FAM107B: variants seen among roughly 807,000 people sequenced by gnomAD.
FAM107B encodes the protein protein FAM107B.
In FAM107B, 21 loss-of-function variants were observed where a neutral mutation model predicts 31.5. That is an observed-to-expected ratio of 0.67 (90% confidence interval 0.47 to 0.96). FAM107B has a LOEUF of 0.96. Among genes scored for constraint, FAM107B ranks in the 40% least tolerant of loss-of-function variants. The pLI is 0.00. For synonymous variants in FAM107B, 157 were observed against 141.5 expected (o/e 1.11, Z -0.78); for missense variants, 452 against 377.1 (o/e 1.20, Z -1.64).
intron 2 of FAM107B, among the ~76,000 whole-genome samples, chr10:14,569,403 G>C (rs1263416964): frequency 6.6e-6 from 1 of 151,206 alleles, no homozygotes; most frequent in East Asian, 1.9e-4. Flanking sequence ...GTGCACATAT[G>C]TGTGTGTGTG....
chr10:14,628,112 GTTTTTTTTT>G (rs71505033), intron 2 of FAM107B, among the ~76,000 whole-genome samples: 2 of 92,688 alleles, frequency 2.2e-5, no homozygotes, highest in South Asian at 9.1e-4. Flanking sequence ...TGTTTTGCTG[GTTTTTTTTT>G]TTTTTTTTTT....
chr10:14,571,152 G>A (rs1048681298), intron 2 of FAM107B, among the ~76,000 whole-genome samples: 3 of 152,056 alleles, frequency 2.0e-5, no homozygotes, highest in African/African-American at 4.8e-5. Flanking sequence ...GGACAGCAGG[G>A]AGAGTGAGAA....
intron 1 of FAM107B, among the ~76,000 whole-genome samples, chr10:14,685,401 G>A (rs1854959868): frequency 6.6e-6 from 1 of 151,982 alleles, no homozygotes; most frequent in South Asian, 2.1e-4. Flanking sequence ...CTCCCACCTA[G>A]GCCTCCCTCC....
intron 1 of FAM107B, among the ~76,000 whole-genome samples, chr10:14,745,125 T>C (rs1832698944): frequency 6.6e-6 from 1 of 152,206 alleles, no homozygotes; most frequent in Non-Finnish European, 1.5e-5. Context: ...GATGGTTGTT[T>C]GCATTTCTGT....
At chr10:14,542,098 AAAT>A (rs892782357) in intron 2 of FAM107B, among the ~76,000 whole-genome samples, 12 of 151,730 alleles carry the variant, frequency 7.9e-5, no homozygotes, top group Admixed American at 2.0e-4. Context: ...CTACTTAAAA[AAAT>A]AATAATAATA....
chr10:14,683,390 T>C (rs1449703360), intron 1 of FAM107B, among the ~76,000 whole-genome samples: 1 of 152,178 alleles, frequency 6.6e-6, no homozygotes, highest in Non-Finnish European at 1.5e-5. Flanking sequence ...CAAACCATTG[T>C]GTGTTTCAAG....
intron 2 of FAM107B, chr10:14,663,430 C>T (rs951893659): frequency 1.3e-5 from 2 of 152,186 alleles, no homozygotes; most frequent in Non-Finnish European, 2.9e-5. Flanking sequence ...CTAACCAGGC[C>T]CAACCCTGCT....
At chr10:14,631,800 C>G (rs1287109777) in intron 2 of FAM107B, among the ~76,000 whole-genome samples, 1 of 152,172 alleles carries the variant, frequency 6.6e-6, no homozygotes, top group Non-Finnish European at 1.5e-5. Flanking sequence ...AGGCTGGCTA[C>G]CCAGGTTGTG....
intron 2 of FAM107B, chr10:14,661,788 G>A (rs1203071057): frequency 6.6e-6 from 1 of 152,218 alleles, no homozygotes; most frequent in East Asian, 1.9e-4. Context: ...CATAAGCCCA[G>A]GTGAGAACAG....
At chr10:14,702,082 G>A (rs1053894924) in intron 1 of FAM107B, among the ~76,000 whole-genome samples, 9 of 152,242 alleles carry the variant, frequency 5.9e-5, no homozygotes, top group Non-Finnish European at 1.3e-4. Flanking sequence ...ATACTGATAA[G>A]TAAATGCAAA....
chr10:14,706,558 A>C (rs908758180), intron 1 of FAM107B, among the ~76,000 whole-genome samples: 5 of 152,206 alleles, frequency 3.3e-5, no homozygotes, highest in Admixed American at 6.5e-5. Flanking sequence ...TGTATGTTAC[A>C]TGTATGTTTA....
At chr10:14,539,079 TTACTC>T (rs1460565561) in intron 2 of FAM107B, among the ~76,000 whole-genome samples, 2 of 152,224 alleles carry the variant, frequency 1.3e-5, no homozygotes, top group African/African-American at 4.8e-5. Flanking sequence ...AACTAATTCA[TTACTC>T]TAACTCTCCA....
chr10:14,636,499 C>A (rs1853503907), intron 2 of FAM107B, among the ~76,000 whole-genome samples: 1 of 152,142 alleles, frequency 6.6e-6, no homozygotes, highest in South Asian at 2.1e-4. Flanking sequence ...AATCAGATTT[C>A]AGTAGAAAAG....
At chr10:14,588,496 AT>A (rs1851914752) in intron 2 of FAM107B, among the ~76,000 whole-genome samples, 1 of 152,066 alleles carries the variant, frequency 6.6e-6, no homozygotes, top group Non-Finnish European at 1.5e-5. Flanking sequence ...GGGTCTACCC[AT>A]TCTCCCCTCT....
intron 1 of FAM107B, among the ~76,000 whole-genome samples, chr10:14,731,477 A>G: frequency 6.6e-6 from 1 of 152,186 alleles, no homozygotes; most frequent in Non-Finnish European, 1.5e-5. Context: ...CAGGAGGATC[A>G]CTTGAGCCCA....
chr10:14,771,868 T>C (rs575284188), intron 1 of FAM107B, among the ~76,000 whole-genome samples: 1 of 151,888 alleles, frequency 6.6e-6, no homozygotes, highest in African/African-American at 2.4e-5. Context: ...CACATATGAA[T>C]AGTTGATCCT....
chr10:14,582,375 CTTTTTTTTTTTT>C (rs71388188), intron 2 of FAM107B, among the ~76,000 whole-genome samples: 3 of 112,086 alleles, frequency 2.7e-5, no homozygotes, highest in African/African-American at 6.9e-5. Flanking sequence ...TTTTTCTTTT[CTTTTTTTTTTTT>C]TTTTTTTGAG....
In FAM107B at chr10:14,642,633, T is replaced by C. The variant is rs1479035533; in HGVS notation, c.469+25001A>G. On this transcript the variant is annotated intron_variant, in intron 2 of 4. Transcript: ENST00000181796. ...CTTGGTGTTTTTTTTGCAATATGGA[T>C]AGATGAAGTATTTTCCAAGTCTGCA... Among the ~76,000 whole-genome samples the C allele has an allele frequency of 2.6e-5, 4 of 152,156 alleles. 1 individual carries two copies. Among genetic ancestry groups the C allele is most frequent in the African/African-American group, 7.2e-5 (3 of 41,422 alleles).
intron 2 of FAM107B, among the ~76,000 whole-genome samples, chr10:14,659,903 C>CTT: frequency 1.3e-5 from 2 of 152,254 alleles, no homozygotes; most frequent in East Asian, 3.9e-4. Context: ...TACAAAAATA[C>CTT]TTATTTTTTT....
Sources: allele counts gnomAD v4.1 joint callset (sites outside exome capture counted in the v4.1 genomes callset), GRCh38; gene constraint gnomAD v4.1.1; transcripts MANE v1.5; gene names NCBI Gene and HGNC (gene_info 2026-07-23, HGNC 2026-07-21).